Variants in ARHGEF9 observed in about 807,000 individuals in gnomAD.
ARHGEF9 encodes the protein rho guanine nucleotide exchange factor 9.
A neutral mutation model predicts 41.3 loss-of-function variants in ARHGEF9; 2 were observed. That is an observed-to-expected ratio of 0.05 (90% CI 0.02 to 0.15). The LOEUF (loss-of-function observed/expected upper bound fraction) is 0.15. ARHGEF9 is among the 10% of genes least tolerant of loss of function. The probability of loss-of-function intolerance (pLI) is 1.00; values close to 1 mark genes in which losing one functional copy is unlikely to be tolerated. For missense variants in ARHGEF9, 225 were observed against 424.7 expected, an observed-to-expected ratio of 0.53 and a Z score of 4.13; for synonymous variants, 160 against 154.4, an observed-to-expected ratio of 1.04 and a Z score of -0.27.
intron 1 of ARHGEF9, among the ~76,000 whole-genome samples, chrX:63,764,477 C>T (rs1168160004): frequency 8.9e-6 from 1 of 112,094 alleles, no homozygotes; most frequent in Non-Finnish European, 1.9e-5. Context: ...GGGTATATAC[C>T]CAAAGGAATA....
intron 3 of ARHGEF9, among the ~76,000 whole-genome samples, chrX:63,699,234 G>A (rs781929076): frequency 7.2e-5 from 8 of 111,690 alleles, no homozygotes; most frequent in Non-Finnish European, 1.5e-4. Context: ...GGCAGGCTGA[G>A]GAGCACAGCT....
chrX:63,765,533 G>A lies in ARHGEF9; in HGVS notation c.30+19583C>T, dbSNP rs782469556. On this transcript the variant is annotated intron_variant, in intron 1 of 9. Transcript: ENST00000671741. Reference sequence around the variant, plus strand: ...ATTATCTGATTTGTACCTCACAAAAGCCCAAGGAGACTGGAAAGGGGTAGT... The same window carrying A: ...ATTATCTGATTTGTACCTCACAAAAACCCAAGGAGACTGGAAAGGGGTAGT... 1.5e-4 allele frequency among the ~76,000 whole-genome samples: 17 copies of A among 111,251 alleles called. 1 individual carries two copies. The highest frequency in any genetic ancestry group is 2.3e-4 in the Non-Finnish European group (12 of 53,086).
intron 8 of ARHGEF9, among the ~76,000 whole-genome samples, chrX:63,647,511 C>T (rs2048195570): frequency 9.0e-6 from 1 of 111,609 alleles, no homozygotes; most frequent in African/African-American, 3.3e-5. Flanking sequence ...GTCATTGGTT[C>T]TGTTTATATG....
At chrX:63,661,083 T>C (rs2049181838) in intron 7 of ARHGEF9, among the ~76,000 whole-genome samples, 1 of 112,055 alleles carries the variant, frequency 8.9e-6, no homozygotes, top group African/African-American at 3.2e-5. Context: ...GAAAAGTTAG[T>C]TAAGAGACAG....
intron 2 of ARHGEF9, chrX:63,709,300 C>G (rs1353866098): frequency 8.9e-6 from 1 of 111,892 alleles, no homozygotes; most frequent in Non-Finnish European, 1.9e-5. Flanking sequence ...AACTCCGAAG[C>G]AAGGCTGATT....
intron 4 of ARHGEF9, among the ~76,000 whole-genome samples, chrX:63,685,037 T>C (rs2050896375): frequency 1.8e-5 from 2 of 110,530 alleles, no homozygotes; most frequent in African/African-American, 6.6e-5. Context: ...ACAGGAAAAG[T>C]CTAGAGATCT....
intron 4 of ARHGEF9, among the ~76,000 whole-genome samples, chrX:63,681,319 G>A (rs1177934339): frequency 3.6e-5 from 4 of 111,667 alleles, no homozygotes; most frequent in Non-Finnish European, 7.5e-5. Flanking sequence ...AGCACACATG[G>A]AATACTGTCC....
chrX:63,638,785 C>T, intron 9 of ARHGEF9: 1 of 292,716 alleles, frequency 3.4e-6, no homozygotes, highest in Admixed American at 6.1e-5. Context: ...GAGTGATGAA[C>T]CTGCACTTAA....
intron 9 of ARHGEF9, chrX:63,638,632 A>G (rs2047439302): frequency 3.3e-6 from 1 of 306,626 alleles, no homozygotes; most frequent in Middle Eastern, 8.6e-4. Flanking sequence ...AAAGAACCCA[A>G]CAAACTCTAT....
rs2049832969 is a variant in ARHGEF9, at chrX:63,669,909, G to A, written c.946-3892C>T. On this transcript the variant is annotated intron_variant, in intron 6 of 9. Coordinates refer to ENST00000671741, the MANE Select transcript of ARHGEF9 (RefSeq NM_001353921.2). The stretch of plus-strand genomic sequence containing the variant: ...TTCACTGATGTCTTTGCAGAACCTA[G>A]AATAAGGTCTGACACAGAGTACTTG... 2.7e-5 allele frequency among the ~76,000 whole-genome samples: 3 copies of A among 112,021 alleles called. No individual in the cohort carries two copies. In the Admixed American group the frequency reaches 2.8e-4, roughly 11 times the overall value.
chrX:63,754,198 G>C, intron 1 of ARHGEF9: 1 of 939,144 alleles, frequency 1.1e-6, no homozygotes, highest in Non-Finnish European at 1.5e-6. Flanking sequence ...CACTTAAATA[G>C]AAAGCATTTC....
intron 1 of ARHGEF9, among the ~76,000 whole-genome samples, chrX:63,745,507 T>G (rs1413970682): frequency 9.0e-5 from 10 of 111,350 alleles, no homozygotes; most frequent in Admixed American, 6.7e-4. Context: ...AGGTCTCTGA[T>G]CCAGCCAAGG....
At position 63,724,697 on chromosome X, in the gene ARHGEF9, A is replaced by C; in HGVS notation, c.45T>G (p.Asp15Glu). 2.5e-6 allele frequency: 3 copies of C among 1,211,168 alleles called. No homozygotes were observed. Among genetic ancestry groups the C allele is most frequent in the South Asian group, 1.8e-5 (1 of 56,935 alleles). The change falls in exon 2 of 10, where the codon GAT (aspartate) becomes GAG (glutamate). Residue 15 changes from aspartate (D) to glutamate (E), a missense_variant. Physicochemically the swap from Asp to Glu is conservative, Grantham distance 45 (BLOSUM62 2). Coordinates refer to ENST00000671741, the MANE Select transcript of ARHGEF9 (RefSeq NM_001353921.2). ...RGGSGMLITG[D>E]SIVSAEAVWD... is the part of the protein sequence containing the mutation. ...ATACTGCCTCAGCACTAACGATGGA[A>C]TCTCCAGTGATCAGCTTAGGAGACA... is the stretch of plus-strand genomic sequence containing the variant.
chrX:63,693,878 A>T (rs1257967401), intron 4 of ARHGEF9, among the ~76,000 whole-genome samples: 12 of 105,092 alleles, frequency 1.1e-4, no homozygotes, highest in Non-Finnish European at 2.0e-5. Flanking sequence ...GGCGAAAATT[A>T]AAAAAAAAAA....
At chrX:63,782,712 G>C (rs1265257080) in intron 1 of ARHGEF9, among the ~76,000 whole-genome samples, 1 of 112,513 alleles carries the variant, frequency 8.9e-6, no homozygotes, top group East Asian at 2.8e-4. Context: ...CTTTCAGCTA[G>C]CCACGTTATA....
At chrX:63,699,252 A>T (rs1337355750) in intron 3 of ARHGEF9, among the ~76,000 whole-genome samples, 1 of 111,758 alleles carries the variant, frequency 8.9e-6, no homozygotes, top group Non-Finnish European at 1.9e-5. Context: ...GCTGGGGGAA[A>T]ACAGTAACAG....
At chrX:63,784,910 G>A (rs2056437202) in intron 1 of ARHGEF9, among the ~76,000 whole-genome samples, 1 of 111,298 alleles carries the variant, frequency 9.0e-6, no homozygotes, top group Non-Finnish European at 1.9e-5. Context: ...AAGTGGAGGG[G>A]GATGGTAGGG....
At position 63,775,921 on chromosome X, in the gene ARHGEF9, C is replaced by A. The variant is rs139374065; in HGVS notation, c.30+9195G>T. 6.6e-3 allele frequency among the ~76,000 whole-genome samples: 730 copies of A among 111,378 alleles called. 1 individual carries two copies. Among genetic ancestry groups the A allele is most frequent in the Non-Finnish European group, 0.011 (600 of 53,048 alleles). Reference sequence around the variant, plus strand: ...CACAATACCCTGAACCCCTCACCCACCACGTTCTTGCTCCCCTATTTCCTT... The same window carrying A: ...CACAATACCCTGAACCCCTCACCCAACACGTTCTTGCTCCCCTATTTCCTT... On this transcript the variant is annotated intron_variant, in intron 1 of 9. Transcript: ENST00000671741.
At position 63,637,898 on chromosome X, in the gene ARHGEF9, G is replaced by A; in HGVS notation, c.*130C>T. 6.5e-6 allele frequency: 3 copies of A among 462,195 alleles called. No individual in the cohort carries two copies. Among genetic ancestry groups the A allele is most frequent in the South Asian group, 7.2e-5 (2 of 27,910 alleles). The allele number at this position is 462,195 out of a possible 1,213,427, so 38.1% of individuals were successfully genotyped here. A position where few individuals can be genotyped will look rare whatever the true frequency, so the allele number is the denominator to read the frequency against. ...TGTGTGTGTCTGTGTGTGTGTGTGT[G>A]TATGTGTACTCAAGGGTCTCTGTGT... On this transcript the variant is annotated 3_prime_UTR_variant, in exon 10 of 10. Coordinates refer to ENST00000671741, the MANE Select transcript of ARHGEF9 (RefSeq NM_001353921.2).
Sources: gnomAD v4.1 joint callset for allele counts (sites outside exome capture counted in the v4.1 genomes callset) on GRCh38, gnomAD v4.1.1 for gene constraint, MANE v1.5 for transcripts, NCBI Gene and HGNC (gene_info 2026-07-23, HGNC 2026-07-21) for gene names.